MAN2B2: variants seen among roughly 807,000 people sequenced by gnomAD.
The protein encoded by MAN2B2 is mannosidase alpha class 2B member 2, also known as epididymis-specific alpha-mannosidase.
Under a neutral mutation model 117.1 loss-of-function variants are expected in MAN2B2, and 106 were observed. That is an observed-to-expected ratio of 0.90 (90% confidence interval 0.77 to 1.06). The LOEUF is 1.06. Among genes scored for constraint, MAN2B2 ranks in the 50% least tolerant of loss-of-function variants. The probability of loss-of-function intolerance (pLI) is 0.00; values close to 1 mark genes in which losing one functional copy is unlikely to be tolerated. For synonymous variants in MAN2B2, 544 were observed against 595.1 expected, an observed-to-expected ratio of 0.91 and a Z score of 1.25; for missense variants, 1,326 against 1,381.4, an observed-to-expected ratio of 0.96 and a Z score of 0.64.
At chr4:6,623,359 AAAAGG>A (rs1166233394) in exon 19 of MAN2B2, 1 of 151,562 alleles carries the variant, frequency 6.6e-6, no homozygotes, top group African/African-American at 2.4e-5. Context: ...AAAAAAAAAA[AAAAGG>A]AAGACTACGG....
At position 6,605,189 on chromosome 4, in the gene MAN2B2, T is replaced by C. The variant is rs748956875; in HGVS notation, c.1674T>C (p.Thr558=). 1.2e-6 allele frequency: 2 copies of C among 1,614,224 alleles called. No individual in the cohort carries two copies. The highest frequency in any genetic ancestry group is 2.2e-5 in the East Asian group (1 of 44,888). ...AGGGCACCCAGGAGCCGGCTGCCAC[T>C]GTGGCGAGCACCCTTCAATTTGGCC... ...AQEGTQEPAA[T]VASTLQFGRR... Residue 558 remains threonine (T), a synonymous_variant, in exon 11 of 19, where the codon ACT becomes ACC. Coordinates refer to ENST00000285599, the MANE Select transcript of MAN2B2 (RefSeq NM_015274.3).
intron 3 of MAN2B2, among the ~76,000 whole-genome samples, chr4:6,579,222 C>CCCTT (rs1726274245): frequency 2.6e-5 from 2 of 77,738 alleles, no homozygotes; most frequent in African/African-American, 8.7e-5. Context: ...ACCACCACCA[C>CCCTT]CACCACCATC....
chr4:6,597,746 G>GC (rs1727160095), intron 8 of MAN2B2, among the ~76,000 whole-genome samples: 2 of 152,208 alleles, frequency 1.3e-5, no homozygotes, highest in Non-Finnish European at 1.5e-5. Flanking sequence ...TTGGTGCAGT[G>GC]GCTGCTGAAT....
intron 3 of MAN2B2, among the ~76,000 whole-genome samples, chr4:6,580,881 T>C (rs867719279): frequency 1.9e-4 from 29 of 152,020 alleles, no homozygotes; most frequent in African/African-American, 6.8e-4. Context: ...ACCCTGCAGG[T>C]CTGACCTGGC....
intron 10 of MAN2B2, among the ~76,000 whole-genome samples, chr4:6,603,240 G>C (rs181556434): frequency 4.6e-4 from 70 of 152,218 alleles, no homozygotes; most frequent in Admixed American, 1.4e-3. Flanking sequence ...TCCAGAGGGC[G>C]CCAGACACGC....
At chr4:6,601,567 C>CAGGGAGT (rs1462418766) in intron 10 of MAN2B2, among the ~76,000 whole-genome samples, 1 of 151,884 alleles carries the variant, frequency 6.6e-6, no homozygotes, top group Non-Finnish European at 1.5e-5. Flanking sequence ...GAGGTGGAAG[C>CAGGGAGT]AGGGAGGGCC....
At chr4:6,593,372 T>C (rs745664965) in intron 6 of MAN2B2, 22 bp downstream of exon 6, 1 of 1,602,500 alleles carries the variant, frequency 6.2e-7, no homozygotes, top group Admixed American at 1.7e-5. Flanking sequence ...TCCCAGGTGC[T>C]GTGCCCTCAA....
intron 15 of MAN2B2, among the ~76,000 whole-genome samples, chr4:6,613,097 G>T (rs1432739826): frequency 2.0e-5 from 3 of 152,224 alleles, no homozygotes; most frequent in African/African-American, 7.2e-5. Context: ...AAGTCCTAGG[G>T]AAAGATTCTG....
chr4:6,616,108 T>A (rs771070035), intron 16 of MAN2B2, among the ~76,000 whole-genome samples: 13 of 151,152 alleles, frequency 8.6e-5, no homozygotes, highest in African/African-American at 1.7e-4. Flanking sequence ...CCTGCCAAAA[T>A]TTTTTTTTTA....
intron 12 of MAN2B2, 72 bp from the exon 13 acceptor site, chr4:6,609,726 G>C: frequency 1.0e-6 from 1 of 967,810 alleles, no homozygotes; most frequent in Non-Finnish European, 1.5e-6. Context: ...CCCACATGAA[G>C]GAAGGGAAGC....
intron 3 of MAN2B2, among the ~76,000 whole-genome samples, chr4:6,583,275 G>T (rs1299509809): frequency 3.3e-5 from 5 of 152,210 alleles, no homozygotes; most frequent in African/African-American, 1.2e-4. Flanking sequence ...CAACTGCAGG[G>T]ACTGCTGGGG....
chr4:6,604,644 G>A (rs1318289395), intron 10 of MAN2B2, among the ~76,000 whole-genome samples: 1 of 152,050 alleles, frequency 6.6e-6, no homozygotes, highest in Non-Finnish European at 1.5e-5. Context: ...AGCTGGTGAG[G>A]TCAGCTGTTG....
intron 6 of MAN2B2, among the ~76,000 whole-genome samples, chr4:6,594,106 T>C (rs899600779): frequency 2.1e-4 from 32 of 152,190 alleles, no homozygotes; most frequent in African/African-American, 7.5e-4. Context: ...TAATAATCAT[T>C]AATTATAATG....
In MAN2B2 at chr4:6,605,209, T is replaced by G; in HGVS notation, c.1694T>G (p.Phe565Cys). The change falls in exon 11 of 19, where the codon TTT (phenylalanine) becomes TGT (cysteine). Residue 565 changes from phenylalanine to cysteine, a missense_variant. Transcript: ENST00000285599. ...PAATVASTLQ[F>C]GRRLRRRTSH... is the part of the protein sequence containing the mutation. The stretch of plus-strand genomic sequence containing the variant: ...GCCACTGTGGCGAGCACCCTTCAAT[T>G]TGGCCGCAGGCTGAGGAGACGCACC... 1 of 1,614,180 alleles carries G rather than the reference T, an allele frequency of 6.2e-7. No individual in the cohort carries two copies. The highest frequency in any genetic ancestry group is 8.5e-7 in the Non-Finnish European group (1 of 1,180,028).
intron 1 of MAN2B2, among the ~76,000 whole-genome samples, chr4:6,576,047 C>G (rs575588114): frequency 2.0e-5 from 3 of 152,166 alleles, no homozygotes; most frequent in African/African-American, 7.2e-5. Context: ...CCTCGGGACT[C>G]GGATGGGAAC....
At chr4:6,591,234 C>A (rs575384202) in intron 5 of MAN2B2, among the ~76,000 whole-genome samples, 206 of 152,306 alleles carry the variant, frequency 1.4e-3, no homozygotes, top group Middle Eastern at 6.8e-3. Flanking sequence ...CCTTGTCTTG[C>A]GGAGCTGCCT....
intron 16 of MAN2B2, among the ~76,000 whole-genome samples, chr4:6,616,572 A>G (rs934648911): frequency 9.2e-5 from 14 of 152,122 alleles, no homozygotes; most frequent in Non-Finnish European, 1.5e-5. Context: ...CTCACTCACC[A>G]TGGCAAGAAA....
rs1430873177 is a variant in MAN2B2, at chr4:6,622,473, C to G, written c.*1188C>G. On this transcript the variant is annotated 3_prime_UTR_variant, in exon 19 of 19. Coordinates refer to ENST00000285599, the MANE Select transcript of MAN2B2 (RefSeq NM_015274.3). ...TTTTTTCCCGAGACAGAGTCTCACT[C>G]TGTCGCCCAGGCTGGAGTGCAGTGT... 1 of 149,100 alleles carries G rather than the reference C, an allele frequency of 6.7e-6. No homozygotes were observed. Among genetic ancestry groups the G allele is most frequent in the African/African-American group, 2.5e-5 (1 of 40,772 alleles). 9.2% of individuals were successfully genotyped at this position (149,100 alleles called of 1,614,324 possible). A position where few individuals can be genotyped will look rare whatever the true frequency, so the allele number is the denominator to read the frequency against.
chr4:6,605,406 T>C (rs1727505550), intron 11 of MAN2B2, 77 bp downstream of exon 11: 1 of 1,492,946 alleles, frequency 6.7e-7, no homozygotes, highest in Non-Finnish European at 9.0e-7. Context: ...ACCTGGATTC[T>C]CCATTTGCTC....
Sources: allele counts gnomAD v4.1 joint callset (sites outside exome capture counted in the v4.1 genomes callset), GRCh38; gene constraint gnomAD v4.1.1; transcripts MANE v1.5; gene names NCBI Gene and HGNC (gene_info 2026-07-23, HGNC 2026-07-21).